TNRC6C: variants seen among roughly 807,000 people sequenced by gnomAD.
TNRC6C encodes the protein trinucleotide repeat-containing gene 6C protein.
TNRC6C carries 20 observed loss-of-function variants against 153.7 expected under a neutral mutation model. That is an observed-to-expected ratio of 0.13 (90% CI 0.09 to 0.19). The LOEUF (loss-of-function observed/expected upper bound fraction) is 0.19, where lower values mean the gene tolerates loss of function less well. Ranked by LOEUF, TNRC6C falls within the 10% of genes least tolerant of loss-of-function variation. The probability of loss-of-function intolerance (pLI) is 1.00; values close to 1 mark genes in which losing one functional copy is unlikely to be tolerated. For missense variants in TNRC6C, 1,987 were observed against 2,172.0 expected (o/e 0.91, Z 1.69); for synonymous variants, 811 against 841.4 (o/e 0.96, Z 0.63).
intron 1 of TNRC6C, among the ~76,000 whole-genome samples, chr17:77,973,863 G>A (rs2070962123): frequency 1.3e-5 from 2 of 152,206 alleles, no homozygotes; most frequent in Admixed American, 1.3e-4. Flanking sequence ...GAGACATTCT[G>A]TGTTGATGGA....
chr17:77,997,271 A>G (rs1321252424), intron 1 of TNRC6C, among the ~76,000 whole-genome samples: 3 of 152,192 alleles, frequency 2.0e-5, no homozygotes, highest in Non-Finnish European at 4.4e-5. Context: ...TAAAATGAAA[A>G]TAATATCAGG....
At chr17:78,085,013 C>T (rs1049352298) in intron 11 of TNRC6C, among the ~76,000 whole-genome samples, 10 of 152,114 alleles carry the variant, frequency 6.6e-5, no homozygotes, top group African/African-American at 2.4e-4. Context: ...CATGTGCAGT[C>T]CTATTGCTTT....
At position 78,104,492 on chromosome 17, in the gene TNRC6C, C is replaced by A; in HGVS notation, c.4720C>A (p.Leu1574Met). The A allele has an allele frequency of 6.7e-7, 1 of 1,502,764 alleles. No homozygotes were observed. 93.1% of individuals were successfully genotyped at this position (1,502,764 alleles called of 1,614,324 possible). A position where few individuals can be genotyped will look rare whatever the true frequency, so the allele number is the denominator to read the frequency against. The change falls in exon 20 of 20, where the codon CTG becomes ATG. Residue 1574 changes from leucine (L) to methionine (M), a missense_variant. Leu to Met is a conservative substitution (Grantham distance 15). Transcript: ENST00000301624. The surrounding 1 kb of genome is among the most constrained non-coding windows in gnomAD (Gnocchi z 6.2). The stretch of plus-strand genomic sequence containing the variant: ...CCCATCTTGCTGTTGCAGGTGCGTC[C>A]TGGGAAACACTACCATCCTGGCCGA...
At chr17:78,090,812 A>G (rs913119586) in intron 13 of TNRC6C, among the ~76,000 whole-genome samples, 2 of 152,240 alleles carry the variant, frequency 1.3e-5, no homozygotes, top group Non-Finnish European at 2.9e-5. Context: ...TTGATACTTA[A>G]TTCACAGACT....
intron 1 of TNRC6C, among the ~76,000 whole-genome samples, chr17:77,959,578 G>A (rs868649499): frequency 2.6e-5 from 4 of 152,152 alleles, no homozygotes; most frequent in Non-Finnish European, 5.9e-5. Context: ...GTGAAATTCG[G>A]TCCTTTCCGG....
rs1567935311 is a variant in TNRC6C, at chr17:78,049,290, T to C, written c.228T>C (p.Thr76=). The change falls in exon 3 of 20, where the codon ACT becomes ACC. Residue 76 remains threonine, a synonymous_variant. Transcript: ENST00000301624. The surrounding 1 kb of genome is among the most constrained non-coding windows in gnomAD (Gnocchi z 4.1). ...GTGGTGGGGATGGAAAAATGGACAC[T>C]ATGATTGGAGATGGGAGAAGTCAGA... 2 of 1,613,652 alleles carry C rather than the reference T, an allele frequency of 1.2e-6. No individual in the cohort carries two copies. The highest frequency in any genetic ancestry group is 1.7e-6 in the Non-Finnish European group (2 of 1,179,686).
intron 1 of TNRC6C, among the ~76,000 whole-genome samples, chr17:77,963,808 GT>G (rs1452653378): frequency 6.6e-6 from 1 of 152,148 alleles, no homozygotes; most frequent in Non-Finnish European, 1.5e-5. Context: ...TGGAACTTTG[GT>G]TTTCTAAAAT....
intron 1 of TNRC6C, among the ~76,000 whole-genome samples, chr17:77,973,980 G>A (rs911961899): frequency 7.7e-6 from 1 of 130,282 alleles, no homozygotes; most frequent in African/African-American, 2.8e-5. Context: ...TGTTGTTGTT[G>A]TTTGTAAATT....
At chr17:78,087,228 C>T (rs2073311082) in intron 13 of TNRC6C, 135 bp downstream of exon 15, 1 of 1,425,892 alleles carries the variant, frequency 7.0e-7, no homozygotes, top group Non-Finnish European at 9.2e-7. Context: ...GGAAATGCAG[C>T]CCCAGACAAA....
exon 20 of TNRC6C, chr17:78,108,138 T>A (rs1241115391): frequency 2.0e-5 from 3 of 152,188 alleles, no homozygotes; most frequent in Non-Finnish European, 4.4e-5. Flanking sequence ...CCCCTCAAAC[T>A]AAGCAAGGAT....
chr17:78,077,453 A>G lies in TNRC6C; in HGVS notation c.3210+119A>G, dbSNP rs1459515548. The G allele has an allele frequency of 6.0e-6, 8 of 1,325,760 alleles. No homozygotes were observed. The Admixed American group carries it at 1.7e-4, about 29-fold the overall frequency. 82.1% of individuals were successfully genotyped at this position (1,325,760 alleles called of 1,614,324 possible). On this transcript the variant is annotated intron_variant, in intron 9 of 19. Coordinates refer to ENST00000301624, the Ensembl canonical transcript of TNRC6C. ...TACCTCTATTTTTAAATGTGACTGA[A>G]AAAGTAGTTGAAATACTACCAGGAT...
At chr17:77,978,770 C>T (rs945951324) in intron 1 of TNRC6C, among the ~76,000 whole-genome samples, 2 of 152,104 alleles carry the variant, frequency 1.3e-5, no homozygotes, top group Non-Finnish European at 2.9e-5. Flanking sequence ...ACCCTTCTTA[C>T]CCCCTAAAAA....
Position 78,049,067 on chromosome 17 carries a change from C to T in TNRC6C, c.5C>T (p.Ala2Val), listed in dbSNP as rs1339957718. The T allele has an allele frequency of 6.5e-7, 1 of 1,537,646 alleles. No individual in the cohort carries two copies. Among genetic ancestry groups the T allele is most frequent in the East Asian group, 2.3e-5 (1 of 44,132 alleles). ...TGTGGCTCAGAGAACAGTAGCATGG[C>T]TACAGGGAGTGCCCAGGGCAACTTC... Residue 2 changes from alanine to valine, a missense_variant, in exon 3 of 20, where the codon GCT becomes GTT. By Grantham distance (64) the Ala-to-Val change is moderately conservative. Coordinates refer to ENST00000301624, the Ensembl canonical transcript of TNRC6C. The surrounding 1 kb of genome is among the most constrained non-coding windows in gnomAD (Gnocchi z 4.1).
chr17:78,031,659 C>T (rs2072076809), exon 2 of TNRC6C: 2 of 1,232,506 alleles, frequency 1.6e-6, no homozygotes, highest in Non-Finnish European at 2.0e-6. Flanking sequence ...CCGTTACCTG[C>T]CTCGTGAGGT....
intron 1 of TNRC6C, among the ~76,000 whole-genome samples, chr17:77,966,755 G>C (rs1002832550): frequency 2.6e-5 from 4 of 152,122 alleles, no homozygotes; most frequent in Non-Finnish European, 4.4e-5. Context: ...AATTATGGTG[G>C]ATACTCTCAA....
At chr17:78,032,629 T>C (rs1290229065) in intron 2 of TNRC6C, among the ~76,000 whole-genome samples, 3 of 152,242 alleles carry the variant, frequency 2.0e-5, no homozygotes, top group Admixed American at 6.5e-5. Flanking sequence ...TGGAAACTTA[T>C]CTGCTCATAG....
intron 1 of TNRC6C, among the ~76,000 whole-genome samples, chr17:77,993,182 G>C (rs563840555): frequency 6.6e-6 from 1 of 152,134 alleles, no homozygotes; most frequent in East Asian, 1.9e-4. Context: ...GGCTGGTCTC[G>C]AATTCCTGAC....
intron 7 of TNRC6C, among the ~76,000 whole-genome samples, chr17:78,074,446 C>G (rs1415597543): frequency 2.0e-5 from 3 of 152,180 alleles, no homozygotes; most frequent in Non-Finnish European, 2.9e-5. Context: ...ACTGTCTAAT[C>G]GTGCACGTGC....
intron 4 of TNRC6C, chr17:78,067,167 AC>A (rs1203192289): frequency 6.6e-6 from 1 of 151,960 alleles, no homozygotes; most frequent in Non-Finnish European, 1.5e-5. Flanking sequence ...ACATAGTGAG[AC>A]CCCATCTCTA....
Sources: gnomAD v4.1 joint callset for allele counts (sites outside exome capture counted in the v4.1 genomes callset) on GRCh38, gnomAD v4.1.1 for gene constraint, Gnocchi (gnomAD v3.1) non-coding constraint, MANE v1.5 for transcripts, NCBI Gene and HGNC (gene_info 2026-07-23, HGNC 2026-07-21) for gene names.